Variants in HDGFL3 observed in about 807,000 individuals in gnomAD.
HDGFL3 encodes the protein HDGF like 3, also known as hepatoma-derived growth factor-related protein 3.
In HDGFL3, 6 loss-of-function variants were observed where a neutral mutation model predicts 27.6. The ratio of observed to expected loss-of-function variants is 0.22; its 90% CI spans 0.12 to 0.43. The LOEUF is 0.43. Ranked by LOEUF, HDGFL3 falls within the 20% of genes least tolerant of loss-of-function variation. The pLI, the probability that HDGFL3 is intolerant of heterozygous loss-of-function variation, is 1.00. For missense variants in HDGFL3, 207 were observed against 250.1 expected (o/e 0.83, Z 1.16); for synonymous variants, 88 against 88.9 (o/e 0.99, Z 0.05).
intron 4 of HDGFL3, among the ~76,000 whole-genome samples, chr15:83,152,191 T>C (rs1271956679): frequency 6.6e-6 from 1 of 152,260 alleles, no homozygotes; most frequent in Non-Finnish European, 1.5e-5. Flanking sequence ...AAGTTACTTC[T>C]GGTCTTCCAG....
At chr15:83,145,822 G>A (rs1300191619) in intron 5 of HDGFL3, among the ~76,000 whole-genome samples, 3 of 144,240 alleles carry the variant, frequency 2.1e-5, no homozygotes. Flanking sequence ...TGTCTTCTAA[G>A]ACCCTACCTC....
At chr15:83,166,377 A>G (rs556582968) in intron 1 of HDGFL3, among the ~76,000 whole-genome samples, 1 of 152,358 alleles carries the variant, frequency 6.6e-6, no homozygotes, top group East Asian at 1.9e-4. Context: ...GCAGAAATAA[A>G]GGAGAAATAA....
At chr15:83,177,019 G>A (rs1038840399) in intron 1 of HDGFL3, among the ~76,000 whole-genome samples, 1 of 132,950 alleles carries the variant, frequency 7.5e-6, no homozygotes, top group Non-Finnish European at 1.6e-5. Context: ...CTGGGTCCAA[G>A]CAATTCTCCT....
At chr15:83,164,204 A>T in intron 1 of HDGFL3, 129 bp from the exon 2 acceptor site, 1 of 629,488 alleles carries the variant, frequency 1.6e-6, no homozygotes, top group Non-Finnish European at 2.6e-6. Context: ...AGAACTTTAC[A>T]AAATGATTCT....
rs1443439510 is a variant in HDGFL3, at chr15:83,135,384, C to G, written c.*3886G>C. 1 of 152,162 alleles carries G rather than the reference C, an allele frequency of 6.6e-6. No individual in the cohort carries two copies. Among genetic ancestry groups the G allele is most frequent in the Admixed American group, 6.5e-5 (1 of 15,270 alleles). 9.4% of individuals were successfully genotyped at this position (152,162 alleles called of 1,614,324 possible). A position where few individuals can be genotyped will look rare whatever the true frequency, so the allele number is the denominator to read the frequency against. On this transcript the variant is annotated 3_prime_UTR_variant, in exon 6 of 6. Transcript: ENST00000299633. The stretch of plus-strand genomic sequence containing the variant: ...ATTATCTAGTTCTTCATTCTTGTTA[C>G]TTCTATGCCTTCTCTATAGTGCAGT...
intron 2 of HDGFL3, among the ~76,000 whole-genome samples, chr15:83,161,874 G>C (rs1403116859): frequency 1.3e-5 from 2 of 152,118 alleles, no homozygotes; most frequent in Non-Finnish European, 2.9e-5. Context: ...AATGCACTGA[G>C]GATGATATAT....
chr15:83,127,043 A>T (rs958573984), downstream of HDGFL3, among the ~76,000 whole-genome samples: 26 of 152,010 alleles, frequency 1.7e-4, no homozygotes, highest in African/African-American at 6.3e-4. Flanking sequence ...AAATACAAAA[A>T]ACTAGCCGGG....
At chr15:83,144,791 T>A in intron 5 of HDGFL3, 1 of 342,180 alleles carries the variant, frequency 2.9e-6, no homozygotes. Flanking sequence ...ATTTAGCAAG[T>A]TGCACCTGAA....
At chr15:83,117,522 C>T (rs934337675) in intron 3 of HDGFL3, among the ~76,000 whole-genome samples, 3 of 152,020 alleles carry the variant, frequency 2.0e-5, no homozygotes, top group Non-Finnish European at 4.4e-5. Flanking sequence ...GGCCAAGAGG[C>T]AGAAGGAAAA....
chr15:83,190,208 A>C (rs1168491701), intron 1 of HDGFL3, among the ~76,000 whole-genome samples: 1 of 14,246 alleles, frequency 7.0e-5, no homozygotes. Context: ...ACTCTGTCTC[A>C]AAAAAAAAAA....
At chr15:83,113,034 C>A in exon 4 of HDGFL3, 1 of 748,116 alleles carries the variant, frequency 1.3e-6, no homozygotes, top group Non-Finnish European at 2.3e-6. Context: ...AGGGGTGTTT[C>A]AGGACAATCT....
At chr15:83,190,421 T>C (rs1567176641) in intron 1 of HDGFL3, among the ~76,000 whole-genome samples, 1 of 152,180 alleles carries the variant, frequency 6.6e-6, no homozygotes, top group Non-Finnish European at 1.5e-5. Context: ...TATATACTTC[T>C]TCAGTATTGT....
At chr15:83,119,975 T>A in intron 3 of HDGFL3, 1 of 293,124 alleles carries the variant, frequency 3.4e-6, no homozygotes. Context: ...AAGCACATCT[T>A]AAACTTCATT....
intron 3 of HDGFL3, chr15:83,122,019 T>G (rs1179426807): frequency 2.0e-5 from 31 of 1,585,024 alleles, no homozygotes; most frequent in Non-Finnish European, 2.7e-5. Context: ...AAACTTTATC[T>G]TAAAGTTCAC....
chr15:83,121,422 G>C (rs2035233646), intron 3 of HDGFL3, among the ~76,000 whole-genome samples: 1 of 152,120 alleles, frequency 6.6e-6, no homozygotes, highest in Non-Finnish European at 1.5e-5. Flanking sequence ...TGGGGTATAT[G>C]TCTAGCAGCT....
intron 2 of HDGFL3, 187 bp downstream of exon 2, chr15:83,163,812 G>A (rs977704673): frequency 3.6e-6 from 2 of 550,172 alleles, no homozygotes; most frequent in African/African-American, 2.0e-5. Flanking sequence ...GCAAAGATAC[G>A]CTTTTAGTCA....
At chr15:83,156,768 A>G (rs2037035148) in intron 4 of HDGFL3, among the ~76,000 whole-genome samples, 8 of 151,792 alleles carry the variant, frequency 5.3e-5, no homozygotes, top group Admixed American at 3.9e-4. Context: ...ATTTTGGCTC[A>G]CTGTAAGCTC....
At chr15:83,157,820 G>T in intron 3 of HDGFL3, 83 bp downstream of exon 3, 1 of 1,288,724 alleles carries the variant, frequency 7.8e-7, no homozygotes, top group Non-Finnish European at 1.1e-6. Flanking sequence ...ACTATTAGTA[G>T]AAAGGACATA....
chr15:83,179,573 AGC>A (rs2037354464), intron 1 of HDGFL3, among the ~76,000 whole-genome samples: 5 of 152,176 alleles, frequency 3.3e-5, no homozygotes, highest in African/African-American at 1.2e-4. Flanking sequence ...CCATAGGCAA[AGC>A]CTCTTCTCTC....
Sources: gnomAD v4.1 joint callset for allele counts (sites outside exome capture counted in the v4.1 genomes callset) on GRCh38, gnomAD v4.1.1 for gene constraint, MANE v1.5 for transcripts, NCBI Gene and HGNC (gene_info 2026-07-23, HGNC 2026-07-21) for gene names.